FBXL7: variants seen among roughly 807,000 people sequenced by gnomAD.
FBXL7 encodes the protein F-box and leucine rich repeat protein 7, also known as F-box/LRR-repeat protein 7.
Under a neutral mutation model 38.3 loss-of-function variants are expected in FBXL7, and 12 were observed. That is an observed-to-expected ratio of 0.31 (90% CI 0.20 to 0.51). The LOEUF (loss-of-function observed/expected upper bound fraction) is 0.51, where lower values mean the gene tolerates loss of function less well. Among genes scored for constraint, FBXL7 ranks in the 20% least tolerant of loss-of-function variants. The pLI is 0.98. For missense variants in FBXL7, 567 were observed against 676.4 expected (o/e 0.84, Z 1.79); for synonymous variants, 297 against 300.9 (o/e 0.99, Z 0.13).
chr5:15,758,435 A>G (rs899184978), intron 2 of FBXL7, among the ~76,000 whole-genome samples: 3 of 152,030 alleles, frequency 2.0e-5, no homozygotes, highest in African/African-American at 7.2e-5. Context: ...CCATAATACC[A>G]GGTAGGAACA....
Position 15,800,970 on chromosome 5 carries a change from T to G in FBXL7, c.128-126920T>G, listed in dbSNP as rs529986973. Among the ~76,000 whole-genome samples, 4 of 152,322 alleles carry G rather than the reference T, an allele frequency of 2.6e-5. No individual in the cohort carries two copies. In the South Asian group the frequency reaches 6.2e-4, roughly 24 times the overall value. ...TAACCAATAGGGTTCATGTGGAAGT[T>G]GTCAAGTCTAAAATCCATAGGGCAG... is the stretch of plus-strand genomic sequence containing the variant. On this transcript the variant is annotated intron_variant, in intron 2 of 3. Transcript: ENST00000504595.
intron 2 of FBXL7, among the ~76,000 whole-genome samples, chr5:15,869,606 G>T (rs1460785466): frequency 6.6e-6 from 1 of 151,996 alleles, no homozygotes; most frequent in Non-Finnish European, 1.5e-5. Context: ...CAGGATTTAG[G>T]GATCCCTAAA....
At chr5:15,601,115 T>C (rs1739774564) in intron 1 of FBXL7, among the ~76,000 whole-genome samples, 2 of 152,186 alleles carry the variant, frequency 1.3e-5, no homozygotes, top group Non-Finnish European at 2.9e-5. Flanking sequence ...GAGGCAGTTA[T>C]GGATTTATTG....
intron 2 of FBXL7, among the ~76,000 whole-genome samples, chr5:15,881,420 C>T (rs150687240): frequency 7.9e-4 from 121 of 152,242 alleles, no homozygotes; most frequent in African/African-American, 2.7e-3. Context: ...TTTGTCCTTT[C>T]CTTGATTGAT....
At chr5:15,874,366 A>G (rs1398275195) in intron 2 of FBXL7, among the ~76,000 whole-genome samples, 1 of 152,218 alleles carries the variant, frequency 6.6e-6, no homozygotes, top group Non-Finnish European at 1.5e-5. Context: ...CAGGACAAGG[A>G]TGCCCTCTCT....
At chr5:15,581,174 G>A (rs187983613) in intron 1 of FBXL7, among the ~76,000 whole-genome samples, 42 of 152,196 alleles carry the variant, frequency 2.8e-4, no homozygotes, top group African/African-American at 1.0e-3. Context: ...TACCACATTA[G>A]GCATGTCAAA....
chr5:15,831,424 C>T (rs896581229), intron 2 of FBXL7, among the ~76,000 whole-genome samples: 4 of 152,158 alleles, frequency 2.6e-5, no homozygotes, highest in Non-Finnish European at 5.9e-5. Context: ...GAGGACCTGG[C>T]CTGGTGGTCT....
intron 2 of FBXL7, among the ~76,000 whole-genome samples, chr5:15,632,985 C>G (rs1055929876): frequency 5.9e-5 from 9 of 152,028 alleles, no homozygotes; most frequent in African/African-American, 2.2e-4. Flanking sequence ...ACATGTACCC[C>G]CTGAAGCTAA....
chr5:15,590,056 C>T (rs376303939), intron 1 of FBXL7, among the ~76,000 whole-genome samples: 1 of 152,166 alleles, frequency 6.6e-6, no homozygotes, highest in Admixed American at 6.5e-5. Flanking sequence ...TTCAATCTCT[C>T]TTAAGATATC....
chr5:15,645,608 C>T (rs1041747170), intron 2 of FBXL7, among the ~76,000 whole-genome samples: 12 of 152,186 alleles, frequency 7.9e-5, no homozygotes, highest in Non-Finnish European at 1.2e-4. Flanking sequence ...GGCTGAGTCA[C>T]GGGCACATGT....
Position 15,928,295 on chromosome 5 carries a change from G to T in FBXL7, c.533G>T (p.Cys178Phe). 1 of 1,613,450 alleles carries T rather than the reference G, an allele frequency of 6.2e-7. No homozygotes were observed. The highest frequency in any genetic ancestry group is 8.5e-7 in the Non-Finnish European group (1 of 1,179,640). ...RALKVLTRRL[C>F]QDTPNVCLML... is the part of the protein sequence containing the mutation. Reference sequence around the variant, plus strand: ...CTCAAGGTGCTGACCCGCAGACTCTGCCAGGACACCCCCAACGTGTGTCTC... The same window carrying T: ...CTCAAGGTGCTGACCCGCAGACTCTTCCAGGACACCCCCAACGTGTGTCTC... The change falls in exon 3 of 4, where the codon TGC becomes TTC. Residue 178 changes from cysteine to phenylalanine, a missense_variant. Cys to Phe is a radical substitution (Grantham distance 205). Coordinates refer to ENST00000504595, the MANE Select transcript of FBXL7 (RefSeq NM_012304.5). The surrounding 1 kb of genome is among the most constrained non-coding windows in gnomAD (Gnocchi z 4.0).
intron 2 of FBXL7, among the ~76,000 whole-genome samples, chr5:15,828,578 T>C (rs1738375511): frequency 6.6e-6 from 1 of 152,148 alleles, no homozygotes; most frequent in Admixed American, 6.5e-5. Flanking sequence ...TTGAACACCT[T>C]CTGAGATGGC....
chr5:15,701,847 A>G (rs1279587375), intron 2 of FBXL7, among the ~76,000 whole-genome samples: 1 of 152,224 alleles, frequency 6.6e-6, no homozygotes, highest in South Asian at 2.1e-4. Context: ...AAAGTATTAC[A>G]AAGTGTTGGC....
At chr5:15,638,205 C>T (rs760778208) in intron 2 of FBXL7, among the ~76,000 whole-genome samples, 7 of 152,094 alleles carry the variant, frequency 4.6e-5, no homozygotes, top group Non-Finnish European at 7.3e-5. Flanking sequence ...TGCCTGGGAA[C>T]GAGGGGGATC....
intron 1 of FBXL7, among the ~76,000 whole-genome samples, chr5:15,605,651 A>G (rs1739981159): frequency 6.6e-6 from 1 of 152,176 alleles, no homozygotes; most frequent in Admixed American, 6.6e-5. Flanking sequence ...ACATTTTGGA[A>G]ATAGTGAAGA....
At position 15,537,326 on chromosome 5, in the gene FBXL7, TAAG is replaced by T. The variant is rs564718894; in HGVS notation, c.37+36620_37+36622del. 1.1e-3 allele frequency among the ~76,000 whole-genome samples: 170 copies of T among 152,314 alleles called. No homozygotes were observed. In the Middle Eastern group the frequency reaches 0.017, roughly 15 times the overall value. Reference sequence around the variant, plus strand: ...ATCTTCTTTGGAGGAGCAGCATTTTTAAGAAGAAGTTTTTGAGGCATGAAAACA... The same window carrying T: ...ATCTTCTTTGGAGGAGCAGCATTTTTAAGAAGTTTTTGAGGCATGAAAACA... On this transcript the variant is annotated intron_variant, in intron 1 of 3. Transcript: ENST00000504595.
intron 2 of FBXL7, among the ~76,000 whole-genome samples, chr5:15,920,956 C>T (rs926169131): frequency 2.0e-5 from 3 of 152,124 alleles, no homozygotes; most frequent in African/African-American, 7.2e-5. Context: ...AGTGTGTGGT[C>T]ATTTCTCCTT....
chr5:15,541,443 G>GTATATATATATATATA (rs56810372), intron 1 of FBXL7, among the ~76,000 whole-genome samples: 40 of 38,436 alleles, frequency 1.0e-3, no homozygotes, highest in South Asian at 5.1e-3. Flanking sequence ...GTGTGTGTGT[G>GTATATATATATATATA]TATATATATA....
chr5:15,663,650 C>A (rs1442828788), intron 2 of FBXL7, among the ~76,000 whole-genome samples: 1 of 152,136 alleles, frequency 6.6e-6, no homozygotes, highest in African/African-American at 2.4e-5. Context: ...GTTGAACCAA[C>A]CTGGCCTCCT....
Sources: allele counts gnomAD v4.1 joint callset (sites outside exome capture counted in the v4.1 genomes callset), GRCh38; gene constraint gnomAD v4.1.1; non-coding constraint Gnocchi (gnomAD v3.1); transcripts MANE v1.5; gene names NCBI Gene and HGNC (gene_info 2026-07-23, HGNC 2026-07-21).